The following IMMP2L variants were observed in gnomAD, a reference collection of about 807,000 sequenced individuals.
IMMP2L encodes mitochondrial inner membrane protease subunit 2.
In IMMP2L, 18 loss-of-function variants were observed where a neutral mutation model predicts 19.3. The ratio of observed to expected loss-of-function variants is 0.93; its 90% CI spans 0.64 to 1.38. The LOEUF is 1.38. Among genes scored for constraint, IMMP2L ranks in the 40% most tolerant of loss-of-function variants. IMMP2L has a pLI of 0.00. For synonymous variants in IMMP2L, 76 were observed against 73.0 expected, an observed-to-expected ratio of 1.04 and a Z score of -0.21; for missense variants, 233 against 218.2, an observed-to-expected ratio of 1.07 and a Z score of -0.43.
At chr7:110,902,309 A>G (rs1287770394) in intron 4 of IMMP2L, among the ~76,000 whole-genome samples, 1 of 151,786 alleles carries the variant, frequency 6.6e-6, no homozygotes, top group Non-Finnish European at 1.5e-5. Context: ...GTGACAGTAA[A>G]TTAGGTTTTG....
intron 4 of IMMP2L, among the ~76,000 whole-genome samples, chr7:110,917,308 C>G (rs909494029): frequency 6.6e-6 from 1 of 152,152 alleles, no homozygotes; most frequent in African/African-American, 2.4e-5. Flanking sequence ...TTTAAGCCAA[C>G]AAGTTTGTGG....
chr7:110,733,093 G>C (rs1254439039), intron 5 of IMMP2L, among the ~76,000 whole-genome samples: 1 of 152,142 alleles, frequency 6.6e-6, no homozygotes, highest in African/African-American at 2.4e-5. Flanking sequence ...CAATTGCTTT[G>C]ATACCTTATC....
At chr7:111,042,052 G>A (rs1791949197) in intron 3 of IMMP2L, among the ~76,000 whole-genome samples, 1 of 152,200 alleles carries the variant, frequency 6.6e-6, no homozygotes, top group Non-Finnish European at 1.5e-5. Flanking sequence ...ATTACATAGT[G>A]TGTGTTAAAT....
chr7:110,899,068 TAACTC>T lies in IMMP2L; in HGVS notation c.306-12378_306-12374del, dbSNP rs1484691877. ...TTTTATTTTTTAATAATTTCTCTGT[TAACTC>T]AACTCATTATTTATTGCCTGCAATG... On this transcript the variant is annotated intron_variant, in intron 4 of 5. Coordinates refer to ENST00000405709, the MANE Select transcript of IMMP2L (RefSeq NM_032549.4). 7.9e-5 allele frequency among the ~76,000 whole-genome samples: 12 copies of T among 152,258 alleles called. No individual in the cohort carries two copies. The East Asian group carries it at 1.2e-3, about 15-fold the overall frequency.
chr7:111,180,146 T>G (rs1245051260), intron 3 of IMMP2L, among the ~76,000 whole-genome samples: 1 of 152,086 alleles, frequency 6.6e-6, no homozygotes, highest in Non-Finnish European at 1.5e-5. Flanking sequence ...CTTCAAGAAC[T>G]TATCCTTTGA....
chr7:110,759,775 T>A (rs971154891), intron 5 of IMMP2L, among the ~76,000 whole-genome samples: 1 of 152,160 alleles, frequency 6.6e-6, no homozygotes, highest in African/African-American at 2.4e-5. Context: ...AATGAACTAC[T>A]GAAGTTATAG....
chr7:111,338,712 T>C (rs1826712802), intron 3 of IMMP2L, among the ~76,000 whole-genome samples: 1 of 152,094 alleles, frequency 6.6e-6, no homozygotes, highest in African/African-American at 2.4e-5. Flanking sequence ...ATATACTCTG[T>C]GAGGTATTAT....
At chr7:110,996,700 T>A (rs1823071930) in intron 3 of IMMP2L, among the ~76,000 whole-genome samples, 1 of 152,048 alleles carries the variant, frequency 6.6e-6, no homozygotes, top group East Asian at 1.9e-4. Flanking sequence ...TCAACTTTTT[T>A]ATTTTAAGAC....
At position 110,819,479 on chromosome 7, in the gene IMMP2L, G is replaced by A. The variant is rs886233997; in HGVS notation, c.408+67114C>T. On this transcript the variant is annotated intron_variant, in intron 5 of 5. Transcript: ENST00000405709. The stretch of plus-strand genomic sequence containing the variant: ...AGGATGTCTAATTAAAATAGGGTAT[G>A]GATAATGAAAGTGATCCCATAAGTG... Among the ~76,000 whole-genome samples the A allele has an allele frequency of 2.6e-5, 4 of 151,994 alleles. No individual in the cohort carries two copies. The South Asian group carries it at 8.3e-4, about 31-fold the overall frequency.
At chr7:111,469,302 G>A (rs1396702162) in intron 3 of IMMP2L, among the ~76,000 whole-genome samples, 1 of 152,062 alleles carries the variant, frequency 6.6e-6, no homozygotes, top group Non-Finnish European at 1.5e-5. Flanking sequence ...AAAGTCATTG[G>A]TAGCTTGATG....
At chr7:110,788,061 T>C (rs1275970097) in intron 5 of IMMP2L, among the ~76,000 whole-genome samples, 2 of 151,912 alleles carry the variant, frequency 1.3e-5, no homozygotes, top group African/African-American at 2.4e-5. Flanking sequence ...CACTTTCTAC[T>C]TTTTTTCCCC....
rs1258348662 is a variant in IMMP2L at position 110,760,480 on chromosome 7, A to G, written c.409-96759T>C. ...AGGTCAGAAATGAAATGCCCATACC[A>G]ACAACTAGACTGAGAAGTGGTCTAT... On this transcript the variant is annotated intron_variant, in intron 5 of 5. Transcript: ENST00000405709. This position sits in a 1 kb window ranked among gnomAD's most constrained non-coding sequence, Gnocchi z 4.2. 1.3e-5 allele frequency among the ~76,000 whole-genome samples: 2 copies of G among 152,168 alleles called. No homozygotes were observed. The highest frequency in any genetic ancestry group is 2.9e-5 in the Non-Finnish European group (2 of 68,024).
intron 3 of IMMP2L, among the ~76,000 whole-genome samples, chr7:111,311,914 C>A (rs1278920797): frequency 6.6e-6 from 1 of 152,076 alleles, no homozygotes; most frequent in Admixed American, 6.6e-5. Context: ...TCCATCATTC[C>A]ATTAAAATGA....
intron 5 of IMMP2L, among the ~76,000 whole-genome samples, chr7:110,818,058 G>T (rs575716103): frequency 4.2e-4 from 64 of 152,148 alleles, no homozygotes; most frequent in African/African-American, 1.4e-3. Flanking sequence ...CATGGGCAAG[G>T]ACTTCATGTC....
chr7:110,838,693 T>C (rs995621372), intron 5 of IMMP2L, among the ~76,000 whole-genome samples: 1 of 152,164 alleles, frequency 6.6e-6, no homozygotes, highest in African/African-American at 2.4e-5. Context: ...CCTTCATAAC[T>C]ATAATAAATA....
chr7:110,869,145 A>T (rs770134836), intron 5 of IMMP2L, among the ~76,000 whole-genome samples: 1 of 152,116 alleles, frequency 6.6e-6, no homozygotes, highest in Non-Finnish European at 1.5e-5. Flanking sequence ...AAAATCAACC[A>T]GGTAGAATCA....
chr7:110,772,776 C>T (rs927815165), intron 5 of IMMP2L, among the ~76,000 whole-genome samples: 10 of 152,094 alleles, frequency 6.6e-5, no homozygotes, highest in African/African-American at 2.4e-4. Flanking sequence ...ACTATGCAAG[C>T]CCTGGGTGTG....
intron 3 of IMMP2L, among the ~76,000 whole-genome samples, chr7:111,395,490 G>A (rs1387574119): frequency 2.0e-5 from 3 of 152,090 alleles, no homozygotes; most frequent in Admixed American, 6.6e-5. Flanking sequence ...GAATGTGCTA[G>A]TATAAGAAAT....
At chr7:111,110,676 T>C (rs906211288) in intron 3 of IMMP2L, among the ~76,000 whole-genome samples, 2 of 152,220 alleles carry the variant, frequency 1.3e-5, no homozygotes, top group East Asian at 3.8e-4. Flanking sequence ...AGAATGTTTC[T>C]ACATATATGA....
Sources: gnomAD v4.1 joint callset for allele counts (sites outside exome capture counted in the v4.1 genomes callset) on GRCh38, gnomAD v4.1.1 for gene constraint, Gnocchi (gnomAD v3.1) non-coding constraint, MANE v1.5 for transcripts, NCBI Gene and HGNC (gene_info 2026-07-23, HGNC 2026-07-21) for gene names.